The following DOCK2 variants were observed in gnomAD, a reference collection of about 807,000 sequenced individuals.
The protein encoded by DOCK2 is dedicator of cytokinesis protein 2.
Under a neutral mutation model 248.9 loss-of-function variants are expected in DOCK2, and 87 were observed. The ratio of observed to expected loss-of-function variants is 0.35; its 90% CI spans 0.29 to 0.42. The LOEUF is 0.42. Ranked by LOEUF, DOCK2 falls within the 10% of genes least tolerant of loss-of-function variation. DOCK2 has a pLI of 1.00. For synonymous variants in DOCK2, 805 were observed against 821.6 expected (o/e 0.98, Z 0.35); for missense variants, 1,747 against 2,300.2 (o/e 0.76, Z 4.92).
intron 11 of DOCK2, among the ~76,000 whole-genome samples, chr5:169,698,965 G>A (rs2113455422): frequency 6.6e-6 from 1 of 152,330 alleles, no homozygotes; most frequent in Non-Finnish European, 1.5e-5. Flanking sequence ...TCCAAAAGGA[G>A]TCTTCCAGAA....
intron 27 of DOCK2, among the ~76,000 whole-genome samples, chr5:169,925,558 C>T (rs1011956257): frequency 3.3e-5 from 4 of 119,806 alleles, no homozygotes; most frequent in Non-Finnish European, 4.8e-5. Context: ...CCAGCCTGGG[C>T]GACAGAGCAA....
At position 170,078,957 on chromosome 5, in the gene DOCK2, G is replaced by T. The variant is rs1043506221; in HGVS notation, c.4995-18G>T. ...AGCTCTAACTGCAGTTTCTATTGCT[G>T]CCCCTCTGGCCTTTCAGCTTTGACC... is the stretch of plus-strand genomic sequence containing the variant. On this transcript the variant is annotated intron_variant, in intron 48 of 51. Coordinates refer to ENST00000520908, the MANE Select transcript of DOCK2 (RefSeq NM_004946.3). 5.0e-6 allele frequency: 8 copies of T among 1,612,608 alleles called. No homozygotes were observed. In the Admixed American group the frequency reaches 5.0e-5, roughly 10 times the overall value.
At chr5:170,014,583 C>T (rs1755438753) in intron 32 of DOCK2, among the ~76,000 whole-genome samples, 1 of 135,600 alleles carries the variant, frequency 7.4e-6, no homozygotes, top group African/African-American at 2.8e-5. Context: ...AGCTTCCATA[C>T]AGAATAGCAC....
chr5:169,785,916 T>C (rs906960628), intron 25 of DOCK2, among the ~76,000 whole-genome samples: 2 of 152,182 alleles, frequency 1.3e-5, no homozygotes, highest in African/African-American at 2.4e-5. Context: ...TGGTGACTTA[T>C]GGGCAGTTAG....
intron 32 of DOCK2, among the ~76,000 whole-genome samples, chr5:170,012,031 G>A (rs749385723): frequency 2.6e-5 from 4 of 152,172 alleles, no homozygotes; most frequent in Non-Finnish European, 2.9e-5. Flanking sequence ...CAACCCTGCC[G>A]ATTTTATAGG....
chr5:169,757,800 G>T (rs1764270977), intron 23 of DOCK2, among the ~76,000 whole-genome samples: 1 of 152,072 alleles, frequency 6.6e-6, no homozygotes, highest in South Asian at 2.1e-4. Context: ...AAATATAGAT[G>T]TTCAATAAAT....
intron 9 of DOCK2, among the ~76,000 whole-genome samples, chr5:169,694,085 G>A (rs1192878440): frequency 6.6e-6 from 1 of 152,244 alleles, no homozygotes; most frequent in African/African-American, 2.4e-5. Flanking sequence ...GCAGGAAGGT[G>A]TGGACCACAC....
At chr5:169,960,676 ATTG>A in intron 27 of DOCK2, among the ~76,000 whole-genome samples, 1 of 152,276 alleles carries the variant, frequency 6.6e-6, no homozygotes, top group Admixed American at 6.5e-5. Flanking sequence ...GGGTCTCTAT[ATTG>A]TTGTCCCCTC....
Position 169,654,465 on chromosome 5 carries a change from C to T in DOCK2, c.106C>T (p.Arg36Ter). ...CTCCCTGCAGATCGGCGATGTGGTGCGAATACAGGAGACGTGTGGAGGTGA... is the reference window on the plus strand; with the variant it reads ...CTCCCTGCAGATCGGCGATGTGGTGTGAATACAGGAGACGTGTGGAGGTGA... The part of the protein sequence containing the change: ...QLSLQIGDVV[R>*]IQETCGDWYR... The change falls in exon 2 of 52, where the codon CGA becomes TGA. Residue 36 changes from arginine to a stop codon, truncating the protein, a stop_gained. Coordinates refer to ENST00000520908, the MANE Select transcript of DOCK2 (RefSeq NM_004946.3). LOFTEE classifies it high-confidence loss of function. The T allele has an allele frequency of 6.2e-7, 1 of 1,614,130 alleles. No homozygotes were observed. The highest frequency in any genetic ancestry group is 8.5e-7 in the Non-Finnish European group (1 of 1,180,024).
chr5:170,073,630 A>G (rs1757749236), intron 46 of DOCK2, among the ~76,000 whole-genome samples: 2 of 152,098 alleles, frequency 1.3e-5, no homozygotes, highest in African/African-American at 4.8e-5. Context: ...TGGTTTTCAC[A>G]TATTTTATTT....
chr5:169,806,919 C>G (rs1290537466), intron 26 of DOCK2, among the ~76,000 whole-genome samples: 1 of 145,566 alleles, frequency 6.9e-6, no homozygotes, highest in South Asian at 2.4e-4. Flanking sequence ...AATTATTCTC[C>G]GCCCTCCTCA....
At chr5:169,671,214 T>C in intron 5 of DOCK2, 40 bp downstream of exon 5, 1 of 1,582,144 alleles carries the variant, frequency 6.3e-7, no homozygotes, top group Non-Finnish European at 8.7e-7. Flanking sequence ...GGAAGCTTCT[T>C]GCAATCTTCA....
At chr5:169,678,214 A>G (rs547530632) in intron 6 of DOCK2, among the ~76,000 whole-genome samples, 18 of 136,430 alleles carry the variant, frequency 1.3e-4, no homozygotes, top group African/African-American at 5.9e-4. Context: ...AAGACTAAGG[A>G]AAAAAAAAGG....
intron 22 of DOCK2, among the ~76,000 whole-genome samples, chr5:169,741,414 G>C (rs867830883): frequency 6.6e-6 from 1 of 152,188 alleles, no homozygotes; most frequent in Non-Finnish European, 1.5e-5. Flanking sequence ...TGGTTTAGCT[G>C]TAATTATTCT....
rs1049769130 is a variant in DOCK2 at position 169,962,232 on chromosome 5, C to T, written c.2800-20836C>T. Among the ~76,000 whole-genome samples, 5 of 152,076 alleles carry T rather than the reference C, an allele frequency of 3.3e-5. 1 individual carries two copies. The South Asian group carries it at 8.3e-4, about 25-fold the overall frequency. The stretch of plus-strand genomic sequence containing the variant: ...GCAGAGGACAGTTAGGAGGCTATTG[C>T]TGTAGTATAAGGGAGACATCGTGGT... On this transcript the variant is annotated intron_variant, in intron 27 of 51. Coordinates refer to ENST00000520908, the MANE Select transcript of DOCK2 (RefSeq NM_004946.3).
intron 27 of DOCK2, among the ~76,000 whole-genome samples, chr5:169,844,664 A>G (rs1273532411): frequency 1.3e-5 from 2 of 150,804 alleles, no homozygotes; most frequent in Admixed American, 6.6e-5. Context: ...TCCTAGTGGT[A>G]TTTCACTGTG....
chr5:169,791,035 A>G (rs195739), intron 25 of DOCK2, among the ~76,000 whole-genome samples: 133,129 of 152,208 alleles, frequency 0.87, 58,330 homozygotes, highest in East Asian at 0.98. Flanking sequence ...CCTCAAGGAT[A>G]ACACTGAATA....
intron 41 of DOCK2, among the ~76,000 whole-genome samples, chr5:170,051,787 A>G (rs1756926340): frequency 6.6e-6 from 1 of 152,240 alleles, no homozygotes; most frequent in African/African-American, 2.4e-5. Context: ...AGAAATAAAA[A>G]GAAAACAACA....
intron 49 of DOCK2, chr5:170,079,524 AACCACTGATGTCTCAGAC>A (rs1349130615): frequency 4.6e-6 from 1 of 216,048 alleles, no homozygotes; most frequent in East Asian, 1.0e-4. Context: ...GGCCTATTCT[AACCACTGATGTCTCAGAC>A]CCCTGCAAGC....
Sources: gnomAD v4.1 joint callset for allele counts (sites outside exome capture counted in the v4.1 genomes callset) on GRCh38, gnomAD v4.1.1 for gene constraint, MANE v1.5 for transcripts, NCBI Gene and HGNC (gene_info 2026-07-23, HGNC 2026-07-21) for gene names.